GIMAP7: variants seen among roughly 807,000 people sequenced by gnomAD.
The protein encoded by GIMAP7 is GTPase IMAP family member 7.
For synonymous variants in GIMAP7, 137 were observed against 129.3 expected (o/e 1.06, Z -0.40); for missense variants, 323 against 359.7 (o/e 0.90, Z 0.83).
At chr7:150,519,059 T>G (rs910471865) in intron 1 of GIMAP7, among the ~76,000 whole-genome samples, 1 of 152,140 alleles carries the variant, frequency 6.6e-6, no homozygotes, top group Non-Finnish European at 1.5e-5. Flanking sequence ...GAATTCTCTG[T>G]TTCTGTTTCA....
At chr7:150,516,402 G>T (rs1303418462) in intron 1 of GIMAP7, among the ~76,000 whole-genome samples, 3 of 152,138 alleles carry the variant, frequency 2.0e-5, no homozygotes, top group Non-Finnish European at 2.9e-5. Flanking sequence ...CTCTATCACA[G>T]ATTATTTTGA....
Position 150,520,924 on chromosome 7 carries a change from T to A in GIMAP7, c.*47T>A. 2.5e-6 allele frequency: 2 copies of A among 789,078 alleles called. No individual in the cohort carries two copies. The highest frequency in any genetic ancestry group is 3.6e-6 in the Non-Finnish European group (2 of 557,494). 48.9% of individuals were successfully genotyped at this position (789,078 alleles called of 1,614,324 possible). A position where few individuals can be genotyped will look rare whatever the true frequency, so the allele number is the denominator to read the frequency against. On this transcript the variant is annotated 3_prime_UTR_variant, in exon 2 of 2. Transcript: ENST00000313543. ...ATGAATTGTATTTTGCAAAGATAGT[T>A]AGAGAAATACCTCCTTCCCCTTAGC...
intron 1 of GIMAP7, among the ~76,000 whole-genome samples, chr7:150,515,847 G>A (rs1000538770): frequency 1.3e-5 from 2 of 152,114 alleles, no homozygotes; most frequent in African/African-American, 4.8e-5. Context: ...CCCTCCTCAC[G>A]GTTCCCTTAT....
At position 150,520,941 on chromosome 7, in the gene GIMAP7, C is replaced by A; in HGVS notation, c.*64C>A. ...AAGATAGTTAGAGAAATACCTCCTTCCCCTTAGCTTTATTAAGGTATCATT... is the reference window on the plus strand; with the variant it reads ...AAGATAGTTAGAGAAATACCTCCTTACCCTTAGCTTTATTAAGGTATCATT... On this transcript the variant is annotated 3_prime_UTR_variant, in exon 2 of 2. Coordinates refer to ENST00000313543, the MANE Select transcript of GIMAP7 (RefSeq NM_153236.4). 1 of 778,416 alleles carries A rather than the reference C, an allele frequency of 1.3e-6. No individual in the cohort carries two copies. Among genetic ancestry groups the A allele is most frequent in the Non-Finnish European group, 1.9e-6 (1 of 520,170 alleles). 48.2% of individuals were successfully genotyped at this position (778,416 alleles called of 1,614,324 possible).
intron 1 of GIMAP7, among the ~76,000 whole-genome samples, chr7:150,518,435 A>C (rs1795155937): frequency 6.6e-6 from 1 of 151,724 alleles, no homozygotes. Flanking sequence ...GTTTTTAATT[A>C]TTTTTCTCTA....
intron 1 of GIMAP7, among the ~76,000 whole-genome samples, chr7:150,515,455 C>T: frequency 6.6e-6 from 1 of 152,320 alleles, no homozygotes; most frequent in East Asian, 1.9e-4. Flanking sequence ...AACAGTGTAA[C>T]ATGTGGGGCT....
At position 150,520,566 on chromosome 7, in the gene GIMAP7, G is replaced by A. The variant is rs1795179234; in HGVS notation, c.592G>A (p.Gly198Arg). 1.2e-6 allele frequency: 2 copies of A among 1,614,104 alleles called. No individual in the cohort carries two copies. Among genetic ancestry groups the A allele is most frequent in the African/African-American group, 2.7e-5 (2 of 74,936 alleles). ...AGAGAAAATGGTGCAGTGCAACGAA[G>A]GGGCTTACTTTTCTGATGACATATA... ...LIEKMVQCNEGAYFSDDIYKD... is the reference protein window; with the variant it reads ...LIEKMVQCNERAYFSDDIYKD... The change falls in exon 2 of 2, where the codon GGG becomes AGG. Residue 198 changes from glycine to arginine, a missense_variant. By Grantham distance (125) the Gly-to-Arg change is moderately radical. Transcript: ENST00000313543.
intron 1 of GIMAP7, among the ~76,000 whole-genome samples, chr7:150,519,680 T>G (rs1448122886): frequency 6.6e-6 from 1 of 152,208 alleles, no homozygotes; most frequent in Non-Finnish European, 1.5e-5. Context: ...GATCATCAGA[T>G]CTTAAAAGGT....
chr7:150,515,366 A>G lies in GIMAP7; in HGVS notation c.-42+421A>G, dbSNP rs545209903. ...TTTGATGATTCTCCAAGGGGTACCC[A>G]GATCACTCATGGCGGAGGAACACTA... On this transcript the variant is annotated intron_variant, in intron 1 of 1. Transcript: ENST00000313543. Among the ~76,000 whole-genome samples the G allele has an allele frequency of 1.8e-4, 27 of 152,320 alleles. 1 individual carries two copies. In the East Asian group the frequency reaches 4.8e-3, roughly 27 times the overall value.
intron 1 of GIMAP7, among the ~76,000 whole-genome samples, chr7:150,518,040 C>T (rs1259709490): frequency 6.6e-6 from 1 of 151,946 alleles, no homozygotes; most frequent in Non-Finnish European, 1.5e-5. Flanking sequence ...AGCAGTATAT[C>T]ACAGAGATCT....
At chr7:150,515,551 T>C (rs955317459) in intron 1 of GIMAP7, among the ~76,000 whole-genome samples, 4 of 152,242 alleles carry the variant, frequency 2.6e-5, no homozygotes, top group East Asian at 1.9e-4. Context: ...CCCTGCAAGA[T>C]TGGTTTTATT....
chr7:150,519,916 T>C lies in GIMAP7; in HGVS notation c.-41-18T>C. The C allele has an allele frequency of 6.6e-7, 1 of 1,508,994 alleles. No homozygotes were observed. Among genetic ancestry groups the C allele is most frequent in the Non-Finnish European group, 9.0e-7 (1 of 1,114,896 alleles). 93.5% of individuals were successfully genotyped at this position (1,508,994 alleles called of 1,614,324 possible). ...TTACTAAAACTGGCTTTTTTTCCCC[T>C]ATCTTCCCCTCCTTAAGGTCTTGTA... is the stretch of plus-strand genomic sequence containing the variant. On this transcript the variant is annotated intron_variant, in intron 1 of 1. Transcript: ENST00000313543.
chr7:150,516,969 A>AG (rs1389216485), intron 1 of GIMAP7, among the ~76,000 whole-genome samples: 1 of 152,218 alleles, frequency 6.6e-6, no homozygotes, highest in Admixed American at 6.5e-5. Flanking sequence ...ATGATTGTCT[A>AG]GAATGAATTT....
At chr7:150,519,459 A>G (rs10275200) in intron 1 of GIMAP7, among the ~76,000 whole-genome samples, 27,555 of 152,156 alleles carry the variant, frequency 0.18, 2,645 homozygotes, top group Middle Eastern at 0.23. Context: ...TTTCTGAAAT[A>G]AATCACACTT....
In GIMAP7 at chr7:150,520,279, G is replaced by A. The variant is rs758570629; in HGVS notation, c.305G>A (p.Gly102Asp). Residue 102 changes from glycine (G) to aspartate (D), a missense_variant, in exon 2 of 2, where the codon GGC (glycine) becomes GAC (aspartate). Transcript: ENST00000313543. ...PHAIVLVLLL[G>D]RYTEEEQKTV... ...GCTATTGTCCTAGTTCTGCTGCTGGGCCGCTACACAGAGGAGGAGCAGAAA... is the reference window on the plus strand; with the variant it reads ...GCTATTGTCCTAGTTCTGCTGCTGGACCGCTACACAGAGGAGGAGCAGAAA... 1 of 1,614,130 alleles carries A rather than the reference G, an allele frequency of 6.2e-7. No individual in the cohort carries two copies. Among genetic ancestry groups the A allele is most frequent in the South Asian group, 1.1e-5 (1 of 91,080 alleles).
chr7:150,519,666 T>A (rs571240798), intron 1 of GIMAP7, among the ~76,000 whole-genome samples: 1 of 152,330 alleles, frequency 6.6e-6, no homozygotes, highest in South Asian at 2.1e-4. Context: ...TTAGGTAGCT[T>A]TGAGATCATC....
At chr7:150,517,048 T>C (rs1008325420) in intron 1 of GIMAP7, among the ~76,000 whole-genome samples, 13 of 152,218 alleles carry the variant, frequency 8.5e-5, no homozygotes, top group African/African-American at 2.7e-4. Context: ...GGAATAGTCA[T>C]ACACAAAGGA....
chr7:150,515,434 G>A (rs147820095), intron 1 of GIMAP7, among the ~76,000 whole-genome samples: 10 of 152,312 alleles, frequency 6.6e-5, no homozygotes, highest in African/African-American at 2.2e-4. Flanking sequence ...GCAGAGACAA[G>A]CTGTGTCCCT....
chr7:150,520,300 A>C lies in GIMAP7; in HGVS notation c.326A>C (p.Gln109Pro). The C allele has an allele frequency of 6.2e-7, 1 of 1,614,190 alleles. No homozygotes were observed. The highest frequency in any genetic ancestry group is 8.5e-7 in the Non-Finnish European group (1 of 1,180,036). The stretch of plus-strand genomic sequence containing the variant: ...CTGGGCCGCTACACAGAGGAGGAGC[A>C]GAAAACCGTTGCATTGATCAAGGCT... ...LLLGRYTEEE[Q>P]KTVALIKAVF... Residue 109 changes from glutamine to proline, a missense_variant, in exon 2 of 2, where the codon CAG becomes CCG. Coordinates refer to ENST00000313543, the MANE Select transcript of GIMAP7 (RefSeq NM_153236.4).
Sources: gnomAD v4.1 joint callset for allele counts (sites outside exome capture counted in the v4.1 genomes callset) on GRCh38, gnomAD v4.1.1 for gene constraint, MANE v1.5 for transcripts, NCBI Gene and HGNC (gene_info 2026-07-23, HGNC 2026-07-21) for gene names.